The following MKLN1 variants were observed in gnomAD, a reference collection of about 807,000 sequenced individuals.
The protein encoded by MKLN1 is muskelin 1.
Under a neutral mutation model 99.0 loss-of-function variants are expected in MKLN1, and 18 were observed. The observed-to-expected ratio is 0.18, with a 90% CI of 0.13 to 0.27. The LOEUF is 0.27. Among genes scored for constraint, MKLN1 ranks in the 10% least tolerant of loss-of-function variants. The pLI, the probability that MKLN1 is intolerant of heterozygous loss-of-function variation, is 1.00. For missense variants in MKLN1, 621 were observed against 875.9 expected (o/e 0.71, Z 3.67); for synonymous variants, 288 against 293.2 (o/e 0.98, Z 0.18).
At chr7:131,210,268 T>C (rs56279527) in intron 3 of MKLN1, among the ~76,000 whole-genome samples, 27,849 of 152,074 alleles carry the variant, frequency 0.18, 3,007 homozygotes, top group Non-Finnish European at 0.25. Context: ...TGGTGGCTCA[T>C]GCCTATAATC....
At chr7:131,397,638 T>A (rs1365026763) in intron 5 of MKLN1, among the ~76,000 whole-genome samples, 9 of 152,214 alleles carry the variant, frequency 5.9e-5, no homozygotes, top group African/African-American at 2.2e-4. Flanking sequence ...TTAAATAGTT[T>A]GCCTAGGATC....
intron 12 of MKLN1, among the ~76,000 whole-genome samples, chr7:131,460,772 C>CA (rs752919994): frequency 2.4e-4 from 36 of 152,208 alleles, no homozygotes; most frequent in Non-Finnish European, 5.0e-4. Context: ...GCAGATCAAG[C>CA]CATAGTTTGC....
intron 1 of MKLN1, among the ~76,000 whole-genome samples, chr7:131,133,646 C>T (rs1428247650): frequency 8.6e-5 from 13 of 151,438 alleles, no homozygotes; most frequent in Non-Finnish European, 1.6e-4. Context: ...GCCACCGCGC[C>T]CAGCCTCTAT....
At chr7:131,427,068 A>G (rs945058030) in intron 8 of MKLN1, among the ~76,000 whole-genome samples, 6 of 152,158 alleles carry the variant, frequency 3.9e-5, no homozygotes, top group Non-Finnish European at 8.8e-5. Flanking sequence ...GATGAAAAAA[A>G]CTAAAACCTA....
intron 3 of MKLN1, among the ~76,000 whole-genome samples, chr7:131,230,637 A>C (rs1038696329): frequency 9.2e-5 from 14 of 152,084 alleles, no homozygotes; most frequent in Non-Finnish European, 1.8e-4. Flanking sequence ...GGTCAAAACA[A>C]CCTTAATCAT....
chr7:131,477,826 GTAAC>G (rs1399351661), intron 16 of MKLN1, among the ~76,000 whole-genome samples: 1 of 152,226 alleles, frequency 6.6e-6, no homozygotes, highest in Non-Finnish European at 1.5e-5. Flanking sequence ...GAAGTGCCAA[GTAAC>G]TCCATTGAGG....
chr7:131,472,965 AG>A (rs373408074), intron 16 of MKLN1, among the ~76,000 whole-genome samples: 4,497 of 133,466 alleles, frequency 0.034, 125 homozygotes, highest in Non-Finnish European at 0.053. Context: ...AAAAAAAAAA[AG>A]AAAAAAAAAC....
At chr7:131,464,218 C>G in intron 13 of MKLN1, 76 bp from the exon 14 acceptor site, 1 of 740,432 alleles carries the variant, frequency 1.4e-6, no homozygotes, top group Non-Finnish European at 2.2e-6. Flanking sequence ...ATTAGACATG[C>G]AGTTAATTTG....
intron 12 of MKLN1, among the ~76,000 whole-genome samples, chr7:131,448,368 G>A (rs1796078933): frequency 6.6e-6 from 1 of 152,116 alleles, no homozygotes; most frequent in Admixed American, 6.5e-5. Flanking sequence ...GTACAGTATC[G>A]ACAATTATTC....
At chr7:131,349,537 T>C (rs1799659251) in intron 1 of MKLN1, among the ~76,000 whole-genome samples, 1 of 152,200 alleles carries the variant, frequency 6.6e-6, no homozygotes, top group Admixed American at 6.5e-5. Context: ...TTATATTGTC[T>C]GAGGTTTGAA....
chr7:131,171,755 G>C (rs1230929068), intron 2 of MKLN1, among the ~76,000 whole-genome samples: 1 of 152,198 alleles, frequency 6.6e-6, no homozygotes, highest in Admixed American at 6.5e-5. Flanking sequence ...ACCTCGCCTA[G>C]CCTGTTTGAA....
chr7:131,338,229 G>A (rs1799306807), intron 1 of MKLN1, among the ~76,000 whole-genome samples: 1 of 152,190 alleles, frequency 6.6e-6, no homozygotes, highest in Non-Finnish European at 1.5e-5. Context: ...CCCTTAAGAG[G>A]AAAATCAGTA....
intron 6 of MKLN1, among the ~76,000 whole-genome samples, chr7:131,408,907 T>C (rs1174275393): frequency 1.3e-5 from 2 of 152,208 alleles, no homozygotes; most frequent in Non-Finnish European, 2.9e-5. Flanking sequence ...TCTAGTTAAA[T>C]AGTTTAAAAA....
intron 12 of MKLN1, 21 bp from the exon 13 acceptor site, chr7:131,463,195 TA>T (rs1562878895): frequency 9.6e-6 from 15 of 1,568,978 alleles, no homozygotes; most frequent in Non-Finnish European, 1.2e-5. Context: ...ATTTTCATCT[TA>T]TTTTTTTCTT....
At chr7:131,254,395 A>G (rs1797626631) in intron 3 of MKLN1, among the ~76,000 whole-genome samples, 1 of 152,236 alleles carries the variant, frequency 6.6e-6, no homozygotes, top group East Asian at 1.9e-4. Flanking sequence ...CAGAAACAGG[A>G]AATGTTATGT....
chr7:131,131,300 C>A (rs1051201554), intron 1 of MKLN1, among the ~76,000 whole-genome samples: 1 of 151,906 alleles, frequency 6.6e-6, no homozygotes, highest in Non-Finnish European at 1.5e-5. Context: ...TCACTTGAGC[C>A]CAGGAGTTCA....
In MKLN1 at chr7:131,479,696, G is replaced by A. The variant is rs534493105; in HGVS notation, c.2086+1019G>A. 4.6e-5 allele frequency among the ~76,000 whole-genome samples: 7 copies of A among 151,850 alleles called. No individual in the cohort carries two copies. The South Asian group carries it at 8.4e-4, about 18-fold the overall frequency. On this transcript the variant is annotated intron_variant, in intron 17 of 17. Transcript: ENST00000352689. The stretch of plus-strand genomic sequence containing the variant: ...CAAAAAATTAGCAGGGTGTGGTGGC[G>A]GGCGCCTGTAGTCCCAGCTACTCAG...
intron 1 of MKLN1, among the ~76,000 whole-genome samples, chr7:131,133,742 C>G (rs763048087): frequency 1.9e-4 from 28 of 149,548 alleles, no homozygotes; most frequent in Non-Finnish European, 4.0e-4. Context: ...TTGCCTCAGC[C>G]TTCCAAACTG....
intron 3 of MKLN1, among the ~76,000 whole-genome samples, chr7:131,221,192 A>G (rs1797054289): frequency 6.6e-6 from 1 of 151,028 alleles, no homozygotes; most frequent in South Asian, 2.1e-4. Context: ...ACACTTGGTG[A>G]CAGTACAGAC....
Sources: allele counts gnomAD v4.1 joint callset (sites outside exome capture counted in the v4.1 genomes callset), GRCh38; gene constraint gnomAD v4.1.1; transcripts MANE v1.5; gene names NCBI Gene and HGNC (gene_info 2026-07-23, HGNC 2026-07-21).